The following ZDHHC21 variants were observed in gnomAD, a reference collection of about 807,000 sequenced individuals.
The protein encoded by ZDHHC21 is palmitoyltransferase ZDHHC21.
In ZDHHC21, 15 loss-of-function variants were observed where a neutral mutation model predicts 34.6. That is an observed-to-expected ratio of 0.43 (90% CI 0.29 to 0.67). ZDHHC21 has a LOEUF of 0.67. Among genes scored for constraint, ZDHHC21 ranks in the 30% least tolerant of loss-of-function variants. The probability of loss-of-function intolerance (pLI) is 0.14; values close to 1 mark genes in which losing one functional copy is unlikely to be tolerated. For missense variants in ZDHHC21, 344 were observed against 327.7 expected (o/e 1.05, Z -0.38); for synonymous variants, 142 against 101.8 (o/e 1.40, Z -2.38).
Position 14,612,702 on chromosome 9 carries a change from C to G in ZDHHC21, c.*6264G>C, listed in dbSNP as rs544422966. 1 of 151,830 alleles carries G rather than the reference C, an allele frequency of 6.6e-6. No homozygotes were observed. Among genetic ancestry groups the G allele is most frequent in the African/African-American group, 2.4e-5 (1 of 41,428 alleles). The allele number at this position is 151,830 out of a possible 1,614,324, so 9.4% of individuals were successfully genotyped here. A position where few individuals can be genotyped will look rare whatever the true frequency, so the allele number is the denominator to read the frequency against. ...AGCATCTCTCTCTCTGTCTCTCTCT[C>G]TGTCTGTCTGTCTCTCCGTATCTCT... On this transcript the variant is annotated 3_prime_UTR_variant, in exon 10 of 10. Coordinates refer to ENST00000380916, the MANE Select transcript of ZDHHC21 (RefSeq NM_178566.6).
At chr9:14,605,933 G>A in the ZDHHC21 span, among the ~76,000 whole-genome samples, 1 of 151,990 alleles carries the variant, frequency 6.6e-6, no homozygotes, top group African/African-American at 2.4e-5. Context: ...AAGCTACACT[G>A]GGGTTTATGA....
At chr9:14,608,134 G>A (rs1158447586), downstream of ZDHHC21, among the ~76,000 whole-genome samples, 3 of 152,120 alleles carry the variant, frequency 2.0e-5, no homozygotes, top group African/African-American at 7.2e-5. Context: ...TTAACATAAT[G>A]AGGATATGTG....
chr9:14,687,679 T>TCAAAA (rs145103704), intron 2 of ZDHHC21, among the ~76,000 whole-genome samples: 8 of 150,762 alleles, frequency 5.3e-5, no homozygotes, highest in Admixed American at 1.3e-4. Context: ...AGGCCCTGTC[T>TCAAAA]CAAAACAAAA....
intron 7 of ZDHHC21, among the ~76,000 whole-genome samples, chr9:14,654,883 A>T (rs145944790): frequency 6.4e-4 from 97 of 152,132 alleles, no homozygotes; most frequent in African/African-American, 2.1e-3. Flanking sequence ...ATGAGACTTC[A>T]CGTACATGTA....
rs1351432720 is a variant in ZDHHC21 at position 14,612,817 on chromosome 9, T to C, written c.*6149A>G. The C allele has an allele frequency of 1.3e-5, 2 of 149,578 alleles. No individual in the cohort carries two copies. The highest frequency in any genetic ancestry group is 6.8e-5 in the Admixed American group (1 of 14,752). 9.3% of individuals were successfully genotyped at this position (149,578 alleles called of 1,614,324 possible). Reference sequence around the variant, plus strand: ...TATTTGCAAAGTAGACAAATGGCAATATTATTCTTTAAAGCCACTAAAGAT... The same window carrying C: ...TATTTGCAAAGTAGACAAATGGCAACATTATTCTTTAAAGCCACTAAAGAT... On this transcript the variant is annotated 3_prime_UTR_variant, in exon 10 of 10. Transcript: ENST00000380916.
intron 7 of ZDHHC21, among the ~76,000 whole-genome samples, chr9:14,654,567 A>G (rs1220858991): frequency 2.6e-5 from 4 of 152,092 alleles, no homozygotes; most frequent in Admixed American, 2.6e-4. Flanking sequence ...AGGGGATCTC[A>G]AAGTTAAAGT....
chr9:14,681,001 A>T (rs1213578241), intron 2 of ZDHHC21, among the ~76,000 whole-genome samples: 2 of 152,218 alleles, frequency 1.3e-5, no homozygotes, highest in African/African-American at 4.8e-5. Context: ...CAACAGAATA[A>T]GCAAAGGCAT....
At chr9:14,648,934 T>TA (rs570447905) in intron 7 of ZDHHC21, among the ~76,000 whole-genome samples, 7 of 130,452 alleles carry the variant, frequency 5.4e-5, no homozygotes, top group South Asian at 2.5e-4. Flanking sequence ...CTCTGAAAAG[T>TA]AAAAATTTTT....
chr9:14,630,325 A>G (rs1257418101), intron 8 of ZDHHC21, among the ~76,000 whole-genome samples: 6 of 152,318 alleles, frequency 3.9e-5, no homozygotes, highest in Non-Finnish European at 7.3e-5. Flanking sequence ...GGGCTCATCC[A>G]TAAGAAGCAA....
chr9:14,624,156 G>C (rs898371375), intron 8 of ZDHHC21, among the ~76,000 whole-genome samples: 1 of 151,956 alleles, frequency 6.6e-6, no homozygotes, highest in African/African-American at 2.4e-5. Flanking sequence ...TATTTACATA[G>C]TATTTACGTT....
chr9:14,664,322 A>G (rs1467037406), intron 5 of ZDHHC21, among the ~76,000 whole-genome samples: 1 of 151,776 alleles, frequency 6.6e-6, no homozygotes, highest in Non-Finnish European at 1.5e-5. Context: ...ACGGCGCACC[A>G]CGAGACTATA....
intron 8 of ZDHHC21, chr9:14,622,542 T>C (rs1825488110): frequency 1.0e-6 from 1 of 985,262 alleles, no homozygotes; most frequent in African/African-American, 1.7e-5. Flanking sequence ...TTAACAGACC[T>C]GAGAACCCAG....
chr9:14,605,796 GT>G, the ZDHHC21 span, among the ~76,000 whole-genome samples: 32 of 152,078 alleles, frequency 2.1e-4, no homozygotes, highest in Non-Finnish European at 4.4e-4. Context: ...TCTTTTAGGA[GT>G]TTTATACTGT....
intron 2 of ZDHHC21, among the ~76,000 whole-genome samples, chr9:14,682,249 T>C (rs550546810): frequency 1.3e-5 from 2 of 152,120 alleles, no homozygotes; most frequent in African/African-American, 2.4e-5. Context: ...GACTGGCAAA[T>C]TGGATAAAGA....
intron 7 of ZDHHC21, among the ~76,000 whole-genome samples, chr9:14,647,946 G>C (rs1457546130): frequency 6.6e-6 from 1 of 151,984 alleles, no homozygotes; most frequent in Non-Finnish European, 1.5e-5. Flanking sequence ...CCAGATTTTT[G>C]TATCTAGCTG....
At chr9:14,595,716 T>C in the ZDHHC21 span, among the ~76,000 whole-genome samples, 1 of 151,972 alleles carries the variant, frequency 6.6e-6, no homozygotes, top group Non-Finnish European at 1.5e-5. Context: ...GACAACCCAA[T>C]TAAAAATGGT....
intron 8 of ZDHHC21, among the ~76,000 whole-genome samples, chr9:14,636,058 T>C (rs62532736): frequency 0.12 from 18,050 of 152,104 alleles, 1,154 homozygotes; most frequent in Middle Eastern, 0.15. Flanking sequence ...GCCTCACATA[T>C]CAATAATAAT....
At chr9:14,643,266 A>ATT (rs1325184732) in intron 7 of ZDHHC21, among the ~76,000 whole-genome samples, 1 of 152,056 alleles carries the variant, frequency 6.6e-6, no homozygotes, top group Non-Finnish European at 1.5e-5. Context: ...ATATATATAT[A>ATT]AAGAAGAAGA....
chr9:14,607,840 G>C (rs965143541), downstream of ZDHHC21, among the ~76,000 whole-genome samples: 3 of 152,154 alleles, frequency 2.0e-5, no homozygotes, highest in Non-Finnish European at 2.9e-5. Context: ...GACCCTCTTA[G>C]AAGGTTCCTA....
Sources: gnomAD v4.1 joint callset for allele counts (sites outside exome capture counted in the v4.1 genomes callset) on GRCh38, gnomAD v4.1.1 for gene constraint, MANE v1.5 for transcripts, NCBI Gene and HGNC (gene_info 2026-07-23, HGNC 2026-07-21) for gene names.